Variants in CABIN1 observed in about 807,000 individuals in gnomAD.
CABIN1 encodes calcineurin-binding protein cabin-1.
Under a neutral mutation model 227.7 loss-of-function variants are expected in CABIN1, and 133 were observed. That is an observed-to-expected ratio of 0.58 (90% CI 0.51 to 0.67). The LOEUF (loss-of-function observed/expected upper bound fraction) is 0.67, where lower values mean the gene tolerates loss of function less well. Ranked by LOEUF, CABIN1 falls within the 30% of genes least tolerant of loss-of-function variation. The probability of loss-of-function intolerance (pLI) is 0.00; values close to 1 mark genes in which losing one functional copy is unlikely to be tolerated. For missense variants in CABIN1, 2,408 were observed against 2,852.5 expected (o/e 0.84, Z 3.55); for synonymous variants, 1,086 against 1,155.1 (o/e 0.94, Z 1.21).
intron 29 of CABIN1, among the ~76,000 whole-genome samples, chr22:24,149,780 A>G (rs899831363): frequency 3.9e-5 from 6 of 152,216 alleles, no homozygotes; most frequent in African/African-American, 7.2e-5. Context: ...AGAGCCTGCT[A>G]TTGGGAACCC....
chr22:24,139,387 G>A (rs962026877), intron 29 of CABIN1, among the ~76,000 whole-genome samples: 7 of 152,122 alleles, frequency 4.6e-5, no homozygotes, highest in Non-Finnish European at 5.9e-5. Flanking sequence ...CCAGCCTGGC[G>A]AAACCCCATC....
At chr22:24,156,887 T>A (rs908724810) in intron 29 of CABIN1, among the ~76,000 whole-genome samples, 1 of 152,142 alleles carries the variant, frequency 6.6e-6, no homozygotes, top group Admixed American at 6.5e-5. Flanking sequence ...CCGGCAGTTC[T>A]GGGGACCTTA....
intron 9 of CABIN1, 118 bp from the exon 10 acceptor site, chr22:24,056,074 G>T (rs1189835032): frequency 3.5e-6 from 3 of 863,920 alleles, no homozygotes; most frequent in African/African-American, 1.7e-5. Context: ...AAGATTTTTT[G>T]AATGTCAAAG....
intron 2 of CABIN1, 88 bp from the exon 3 acceptor site, chr22:24,036,001 G>A: frequency 2.3e-6 from 2 of 887,074 alleles, no homozygotes; most frequent in Non-Finnish European, 3.8e-6. Flanking sequence ...TCATATGCTG[G>A]AGCAGAATTG....
At chr22:24,145,513 T>C (rs1187546056) in intron 29 of CABIN1, among the ~76,000 whole-genome samples, 1 of 152,170 alleles carries the variant, frequency 6.6e-6, no homozygotes, top group Non-Finnish European at 1.5e-5. Context: ...CCAGACTGCC[T>C]GTGGACTGAT....
chr22:24,039,609 C>T (rs568873341), intron 4 of CABIN1, among the ~76,000 whole-genome samples: 1 of 152,134 alleles, frequency 6.6e-6, no homozygotes, highest in Non-Finnish European at 1.5e-5. Context: ...CCTCTCAGGA[C>T]GTGGTGGAAT....
chr22:24,152,942 A>AG (rs2045576543), intron 29 of CABIN1, among the ~76,000 whole-genome samples: 1 of 150,160 alleles, frequency 6.7e-6, no homozygotes, highest in Non-Finnish European at 1.5e-5. Context: ...AGAGCAGAGA[A>AG]AAAAAAAGAA....
At chr22:24,089,661 C>T (rs1301260947) in intron 23 of CABIN1, among the ~76,000 whole-genome samples, 5 of 152,158 alleles carry the variant, frequency 3.3e-5, no homozygotes, top group Non-Finnish European at 5.9e-5. Context: ...GGACACAGTC[C>T]CCTGATTGCT....
intron 18 of CABIN1, among the ~76,000 whole-genome samples, chr22:24,075,944 A>G (rs944306513): frequency 6.6e-6 from 1 of 150,532 alleles, no homozygotes; most frequent in Non-Finnish European, 1.5e-5. Flanking sequence ...ATATTTTCCT[A>G]TATGGCTTGA....
chr22:24,153,124 A>G (rs1255814880), intron 29 of CABIN1, among the ~76,000 whole-genome samples: 1 of 152,016 alleles, frequency 6.6e-6, no homozygotes, highest in Non-Finnish European at 1.5e-5. Context: ...GCCCACCACC[A>G]CTGGGGTGGG....
In CABIN1 at chr22:24,167,968, T is replaced by C. The variant is rs1011568394; in HGVS notation, c.5683-479T>C. On this transcript the variant is annotated intron_variant, in intron 32 of 36. Coordinates refer to ENST00000263119, the MANE Select transcript of CABIN1 (RefSeq NM_012295.4). ...CCACTCTAATCATGGCCCTCCATCC[T>C]GCCCACTTAAAGGGCAGGTTCTAGC... Among the ~76,000 whole-genome samples the C allele has an allele frequency of 9.2e-5, 14 of 152,336 alleles. No homozygotes were observed. In the East Asian group the frequency reaches 2.7e-3, roughly 29 times the overall value.
chr22:24,111,920 T>C (rs758512526), intron 26 of CABIN1, among the ~76,000 whole-genome samples: 1 of 152,264 alleles, frequency 6.6e-6, no homozygotes, highest in Admixed American at 6.5e-5. Flanking sequence ...TGTTTTTTAT[T>C]TCTAGCCTTT....
In CABIN1 at chr22:24,125,863, G is replaced by A. The variant is rs546072439; in HGVS notation, c.4632+6165G>A. On this transcript the variant is annotated intron_variant, in intron 28 of 36. Transcript: ENST00000263119. ...GAATCTTGATTTTGTATTTCAGTCTGTCTGCCTCATGGTTTGAAGATTCTA... is the reference window on the plus strand; with the variant it reads ...GAATCTTGATTTTGTATTTCAGTCTATCTGCCTCATGGTTTGAAGATTCTA... Among the ~76,000 whole-genome samples the A allele has an allele frequency of 3.3e-5, 5 of 152,310 alleles. No individual in the cohort carries two copies. In the South Asian group the frequency reaches 1.0e-3, roughly 32 times the overall value.
chr22:24,050,688 C>A, intron 7 of CABIN1, 137 bp from the exon 8 acceptor site: 1 of 1,014,212 alleles, frequency 9.9e-7, no homozygotes, highest in Non-Finnish European at 1.5e-6. Context: ...CCAGGCCAGA[C>A]TGAAGTGGTT....
chr22:24,176,927 G>C (rs912162941), intron 35 of CABIN1, among the ~76,000 whole-genome samples: 1 of 152,242 alleles, frequency 6.6e-6, no homozygotes, highest in African/African-American at 2.4e-5. Context: ...GGCTGCAGAG[G>C]AATGTGGAGA....
At chr22:24,131,125 T>G (rs1344015928) in intron 28 of CABIN1, among the ~76,000 whole-genome samples, 1 of 152,228 alleles carries the variant, frequency 6.6e-6, no homozygotes, top group Admixed American at 6.5e-5. Flanking sequence ...TGCTTTCTCT[T>G]GTGTCCCCAG....
chr22:24,072,469 C>T lies in CABIN1; in HGVS notation c.2591C>T (p.Ser864Phe). 1.2e-6 allele frequency: 2 copies of T among 1,614,250 alleles called. No individual in the cohort carries two copies. Among genetic ancestry groups the T allele is most frequent in the African/African-American group, 1.3e-5 (1 of 75,066 alleles). Residue 864 changes from serine (S) to phenylalanine (F), a missense_variant, in exon 18 of 37, where the codon TCT (serine) becomes TTT (phenylalanine). Physicochemically the swap from Ser to Phe is radical, Grantham distance 155. Coordinates refer to ENST00000263119, the MANE Select transcript of CABIN1 (RefSeq NM_012295.4). ...TGGCAGGAGGAAGACACCTTCCATTCTCTGTGCCACCAGCAGCAGCTCCAA... is the reference window on the plus strand; with the variant it reads ...TGGCAGGAGGAAGACACCTTCCATTTTCTGTGCCACCAGCAGCAGCTCCAA... ...IIWQEEDTFH[S>F]LCHQQQLQNP...
chr22:24,054,847 C>T (rs1422340273), intron 8 of CABIN1, 26 bp from the exon 9 acceptor site: 1 of 1,614,086 alleles, frequency 6.2e-7, no homozygotes, highest in Non-Finnish European at 8.5e-7. Flanking sequence ...GGGTGGTGAT[C>T]AGGTGTTGTG....
At chr22:24,080,464 T>G (rs947865459) in intron 19 of CABIN1, among the ~76,000 whole-genome samples, 3 of 152,270 alleles carry the variant, frequency 2.0e-5, no homozygotes, top group Non-Finnish European at 2.9e-5. Context: ...AACATTGACC[T>G]CACAGATTAA....
Sources: allele counts gnomAD v4.1 joint callset (sites outside exome capture counted in the v4.1 genomes callset), GRCh38; gene constraint gnomAD v4.1.1; transcripts MANE v1.5; gene names NCBI Gene and HGNC (gene_info 2026-07-23, HGNC 2026-07-21).